NXPE3: variants seen among roughly 807,000 people sequenced by gnomAD.
NXPE3 encodes NXPE family member 3.
In NXPE3, 26 loss-of-function variants were observed where a neutral mutation model predicts 46.1. The observed-to-expected ratio is 0.56, with a 90% CI of 0.41 to 0.78. The LOEUF (loss-of-function observed/expected upper bound fraction) is 0.78. NXPE3 is among the 30% of genes least tolerant of loss of function. The pLI is 0.00. For synonymous variants in NXPE3, 272 were observed against 257.9 expected, an observed-to-expected ratio of 1.05 and a Z score of -0.52; for missense variants, 620 against 686.0, an observed-to-expected ratio of 0.90 and a Z score of 1.07.
At position 101,822,157 on chromosome 3, in the gene NXPE3, A is replaced by ATTT; in HGVS notation, c.*203_*204insTTT. 114 of 562,352 alleles carry ATTT rather than the reference A, an allele frequency of 2.0e-4. No individual in the cohort carries two copies. The highest frequency in any genetic ancestry group is 7.9e-4 in the South Asian group (32 of 40,398). 34.8% of individuals were successfully genotyped at this position (562,352 alleles called of 1,614,324 possible). ...ACCTATAGGATTTTATCCAATGTTGACTTAGCCATGGTAGAACTCTTAACT... is the reference window on the plus strand; with the variant it reads ...ACCTATAGGATTTTATCCAATGTTGATTTCTTAGCCATGGTAGAACTCTTAACT... On this transcript the variant is annotated 3_prime_UTR_variant, in exon 8 of 8. Transcript: ENST00000273347.
rs1942565123 is a variant in NXPE3 at position 101,827,840 on chromosome 3, T to C, written c.*5886T>C. Among the ~76,000 whole-genome samples the C allele has an allele frequency of 6.6e-6, 1 of 152,116 alleles. No homozygotes were observed. The highest frequency in any genetic ancestry group is 2.4e-5 in the African/African-American group (1 of 41,418). ...GCCCCCTCCCTGCCTCCTCTGGCCCTCCTCAGTGCCCACGCAACCCGGTTC... is the reference window on the plus strand; with the variant it reads ...GCCCCCTCCCTGCCTCCTCTGGCCCCCCTCAGTGCCCACGCAACCCGGTTC... On this transcript the variant is annotated 3_prime_UTR_variant, in exon 8 of 8. Coordinates refer to ENST00000273347, the MANE Select transcript of NXPE3 (RefSeq NM_145037.4).
chr3:101,810,662 T>C (rs942586842), intron 6 of NXPE3, among the ~76,000 whole-genome samples: 7 of 152,192 alleles, frequency 4.6e-5, no homozygotes, highest in African/African-American at 1.7e-4. Context: ...TTCTTTGTTG[T>C]TGGTTTTAAA....
At chr3:101,793,801 G>A (rs1044348174) in intron 4 of NXPE3, among the ~76,000 whole-genome samples, 5 of 151,236 alleles carry the variant, frequency 3.3e-5, no homozygotes, top group Admixed American at 6.6e-5. Flanking sequence ...GCTTATCATC[G>A]CTCTGTTGAA....
In NXPE3 at chr3:101,828,136, A is replaced by G. The variant is rs1475977064; in HGVS notation, c.*6182A>G. 1 of 152,210 alleles carries G rather than the reference A, an allele frequency of 6.6e-6. No homozygotes were observed. The highest frequency in any genetic ancestry group is 1.5e-5 in the Non-Finnish European group (1 of 68,028). 9.4% of individuals were successfully genotyped at this position (152,210 alleles called of 1,614,324 possible). On this transcript the variant is annotated 3_prime_UTR_variant, in exon 8 of 8. Transcript: ENST00000273347. ...TTATCGCTGATTACAGCTGGAAACA[A>G]TTGATTTGCTCTTACGTATTTGTGT...
intron 7 of NXPE3, 98 bp from the exon 8 acceptor site, chr3:101,821,306 A>C: frequency 2.5e-6 from 1 of 400,678 alleles, no homozygotes; most frequent in Non-Finnish European, 4.0e-6. Flanking sequence ...TGTTGTACTT[A>C]AAAAAAAATT....
At chr3:101,819,445 G>A (rs1410520330) in intron 7 of NXPE3, among the ~76,000 whole-genome samples, 1 of 152,190 alleles carries the variant, frequency 6.6e-6, no homozygotes, top group Non-Finnish European at 1.5e-5. Context: ...TGCTATCTGT[G>A]TTATTCTCAT....
intron 1 of NXPE3, among the ~76,000 whole-genome samples, chr3:101,780,712 C>A (rs185959601): frequency 4.3e-4 from 66 of 152,250 alleles, no homozygotes; most frequent in Admixed American, 6.5e-4. Flanking sequence ...TCAATGTGTT[C>A]AATATTTAAA....
intron 5 of NXPE3, among the ~76,000 whole-genome samples, chr3:101,805,853 A>G (rs969056261): frequency 2.0e-5 from 3 of 152,006 alleles, no homozygotes; most frequent in African/African-American, 7.3e-5. Flanking sequence ...ACAGGAAATT[A>G]TGTTTTTGTA....
chr3:101,820,019 G>GGGTT (rs1560068539), intron 7 of NXPE3, among the ~76,000 whole-genome samples: 1 of 151,768 alleles, frequency 6.6e-6, no homozygotes, highest in South Asian at 2.1e-4. Flanking sequence ...ATCTGTGTGT[G>GGGTT]GCTTATTTCA....
chr3:101,801,793 A>G lies in NXPE3; in HGVS notation c.652A>G (p.Arg218Gly), dbSNP rs1192552213. The stretch of plus-strand genomic sequence containing the variant: ...TTTCAAGAGTCTCTTCCGTTCAGGA[A>G]GAATTTCTGAAACTACTGAGTGCAA... ...VYFKSLFRSG[R>G]ISETTECNVC... is the part of the protein sequence containing the mutation. The change falls in exon 5 of 8, where the codon AGA becomes GGA. Residue 218 changes from arginine (R) to glycine (G), a missense_variant. Around this residue, in one of 3 missense-constraint regions of NXPE3, gnomAD observed 511 missense variants for 528.6 expected, o/e 0.97. Coordinates refer to ENST00000273347, the MANE Select transcript of NXPE3 (RefSeq NM_145037.4). 13 of 1,614,108 alleles carry G rather than the reference A, an allele frequency of 8.1e-6. No individual in the cohort carries two copies. In the African/African-American group the frequency reaches 1.7e-4, roughly 22 times the overall value.
chr3:101,786,023 G>C (rs1940155987), intron 4 of NXPE3, among the ~76,000 whole-genome samples: 1 of 152,166 alleles, frequency 6.6e-6, no homozygotes. Flanking sequence ...GCTATTCTAG[G>C]ATACCTTTAG....
At chr3:101,794,028 T>A (rs1940676561) in intron 4 of NXPE3, among the ~76,000 whole-genome samples, 1 of 152,132 alleles carries the variant, frequency 6.6e-6, no homozygotes, top group Non-Finnish European at 1.5e-5. Context: ...GCTCATCTCG[T>A]TTGTTTACTG....
intron 1 of NXPE3, among the ~76,000 whole-genome samples, chr3:101,780,570 A>T (rs143895843): frequency 1.3e-5 from 2 of 152,148 alleles, no homozygotes; most frequent in Non-Finnish European, 2.9e-5. Flanking sequence ...GGACCTTTTT[A>T]AAAAAAGCTA....
At chr3:101,789,738 C>T (rs1940395386) in intron 4 of NXPE3, among the ~76,000 whole-genome samples, 1 of 151,882 alleles carries the variant, frequency 6.6e-6, no homozygotes, top group Non-Finnish European at 1.5e-5. Flanking sequence ...GTCACCTAGG[C>T]TGGAGTGCAG....
chr3:101,790,531 A>T (rs977740045), intron 4 of NXPE3, among the ~76,000 whole-genome samples: 1 of 152,186 alleles, frequency 6.6e-6, no homozygotes, highest in Non-Finnish European at 1.5e-5. Context: ...GTATGATATT[A>T]TATAACCACT....
intron 6 of NXPE3, among the ~76,000 whole-genome samples, chr3:101,810,577 C>T (rs1253924946): frequency 6.6e-6 from 1 of 152,110 alleles, no homozygotes; most frequent in Non-Finnish European, 1.5e-5. Flanking sequence ...GACCTTAGAT[C>T]AGATAAGCCC....
chr3:101,814,344 C>G (rs1941869461), intron 6 of NXPE3, among the ~76,000 whole-genome samples: 1 of 152,190 alleles, frequency 6.6e-6, no homozygotes, highest in East Asian at 1.9e-4. Flanking sequence ...TTGAACAAGC[C>G]TAGGAAATGT....
chr3:101,821,928 T>C lies in NXPE3; in HGVS notation c.1654T>C (p.Ser552Pro). 6.2e-7 allele frequency: 1 copy of C among 1,613,764 alleles called. No homozygotes were observed. The change falls in exon 8 of 8, where the codon TCC becomes CCC. Residue 552 changes from serine to proline, a missense_variant. Transcript: ENST00000273347. The part of the protein sequence containing the change: ...IVKNQLDMFL[S>P]FVCPLET ...GAAGAACCAGCTGGACATGTTCTTG[T>C]CCTTTGTGTGCCCCTTGGAAACCTA...
intron 6 of NXPE3, among the ~76,000 whole-genome samples, chr3:101,814,994 A>G (rs1941906373): frequency 6.6e-6 from 1 of 152,166 alleles, no homozygotes; most frequent in South Asian, 2.1e-4. Context: ...TACTTCAAAG[A>G]GTTACTGTGA....
Sources: allele counts gnomAD v4.1 joint callset (sites outside exome capture counted in the v4.1 genomes callset), GRCh38; gene constraint gnomAD v4.1.1; regional missense constraint gnomAD v4.1.1; transcripts MANE v1.5; gene names NCBI Gene and HGNC (gene_info 2026-07-23, HGNC 2026-07-21).